CFAP20DC: variants seen among roughly 807,000 people sequenced by gnomAD.
CFAP20DC encodes the protein CFAP20 domain containing, also known as protein CFAP20DC.
In CFAP20DC, 84 loss-of-function variants were observed where a neutral mutation model predicts 101.7. That is an observed-to-expected ratio of 0.83 (90% CI 0.69 to 0.99). CFAP20DC has a LOEUF of 0.99. Ranked by LOEUF, CFAP20DC falls within the 50% of genes least tolerant of loss-of-function variation. The pLI, the probability that CFAP20DC is intolerant of heterozygous loss-of-function variation, is 0.00. For synonymous variants in CFAP20DC, 359 were observed against 351.2 expected, an observed-to-expected ratio of 1.02 and a Z score of -0.25; for missense variants, 1,007 against 970.3, an observed-to-expected ratio of 1.04 and a Z score of -0.50.
chr3:59,006,633 T>A lies in CFAP20DC; in HGVS notation c.278+32924A>T, dbSNP rs2093439878. On this transcript the variant is annotated intron_variant, in intron 4 of 16. Coordinates refer to ENST00000482387, the MANE Select transcript of CFAP20DC (RefSeq NM_001394063.1). The surrounding 1 kb of genome is among the most constrained non-coding windows in gnomAD (Gnocchi z 4.3). ...GAATGAAATATAAAAGTAGAAGCAG[T>A]GGCAGGAAGAGCCTCGTAGGCAGTC... 6.6e-6 allele frequency among the ~76,000 whole-genome samples: 1 copy of A among 152,120 alleles called. No individual in the cohort carries two copies. Among genetic ancestry groups the A allele is most frequent in the Non-Finnish European group, 1.5e-5 (1 of 68,020 alleles).
chr3:58,731,971 G>A (rs542998725), intron 3 of CFAP20DC, among the ~76,000 whole-genome samples: 8 of 152,298 alleles, frequency 5.3e-5, no homozygotes, highest in Non-Finnish European at 1.2e-4. Context: ...GAGCCTGTTT[G>A]TGCCTCAGTT....
chr3:58,821,250 C>G (rs993037987), intron 14 of CFAP20DC, among the ~76,000 whole-genome samples: 20 of 152,192 alleles, frequency 1.3e-4, no homozygotes, highest in African/African-American at 4.6e-4. Flanking sequence ...ACTTCATGTA[C>G]AAAACAACAA....
intron 6 of CFAP20DC, among the ~76,000 whole-genome samples, chr3:58,911,728 A>G (rs764139134): frequency 2.0e-5 from 3 of 152,146 alleles, no homozygotes; most frequent in Non-Finnish European, 4.4e-5. Flanking sequence ...TCCCTGTCAT[A>G]TCTATTTCCT....
chr3:58,773,218 T>G (rs1231459131), intron 15 of CFAP20DC, among the ~76,000 whole-genome samples: 6 of 151,834 alleles, frequency 4.0e-5, no homozygotes, highest in African/African-American at 4.8e-5. Context: ...CATACTAACT[T>G]GCATGGTCTA....
chr3:58,955,415 G>A (rs2090539272), intron 4 of CFAP20DC, among the ~76,000 whole-genome samples: 3 of 152,186 alleles, frequency 2.0e-5, no homozygotes, highest in African/African-American at 7.2e-5. Flanking sequence ...TAGAGGAACA[G>A]CCAGCAATTG....
intron 4 of CFAP20DC, among the ~76,000 whole-genome samples, chr3:59,035,691 G>C (rs1322003354): frequency 6.6e-6 from 1 of 152,160 alleles, no homozygotes; most frequent in East Asian, 1.9e-4. Context: ...TCCTGAAATT[G>C]AGGCAGTAAT....
rs771858333 is a variant in CFAP20DC, at chr3:58,724,496, GCTC to G, written c.198-6871_198-6869del. ...CACTGGAATGTGGACAGACGTGTGG[GCTC>G]CTATTTAAGCCCGCTCCCACTAGCT... On this transcript the variant is annotated intron_variant, in intron 3 of 3. Transcript: ENST00000486145. This position sits in a 1 kb window ranked among gnomAD's most constrained non-coding sequence, Gnocchi z 5.6. Among the ~76,000 whole-genome samples, 4 of 152,070 alleles carry G rather than the reference GCTC, an allele frequency of 2.6e-5. No homozygotes were observed. Among genetic ancestry groups the G allele is most frequent in the Non-Finnish European group, 2.9e-5 (2 of 68,014 alleles).
chr3:59,049,138 C>T (rs1700110216), intron 1 of CFAP20DC, among the ~76,000 whole-genome samples: 1 of 152,206 alleles, frequency 6.6e-6, no homozygotes, highest in South Asian at 2.1e-4. Flanking sequence ...ACTCCCAGTT[C>T]TGTAAAAATA....
chr3:58,856,580 A>T (rs1237388254), intron 12 of CFAP20DC, among the ~76,000 whole-genome samples: 1 of 151,982 alleles, frequency 6.6e-6, no homozygotes, highest in African/African-American at 2.4e-5. Context: ...TGGTTGAAGA[A>T]CTCTGCCTTC....
chr3:58,969,474 C>A (rs904070738), intron 4 of CFAP20DC, among the ~76,000 whole-genome samples: 2 of 152,126 alleles, frequency 1.3e-5, no homozygotes, highest in Non-Finnish European at 2.9e-5. Context: ...CGTAGGTGAG[C>A]TCCAAGAGGA....
intron 14 of CFAP20DC, among the ~76,000 whole-genome samples, chr3:58,825,443 T>C (rs2107976072): frequency 6.6e-6 from 1 of 152,254 alleles, no homozygotes; most frequent in Non-Finnish European, 1.5e-5. Context: ...GAGCTGGAAT[T>C]TGAGCCCAGG....
At chr3:58,907,307 A>T (rs2083700916) in intron 6 of CFAP20DC, among the ~76,000 whole-genome samples, 1 of 152,146 alleles carries the variant, frequency 6.6e-6, no homozygotes, top group Non-Finnish European at 1.5e-5. Flanking sequence ...GGCTCTCTCA[A>T]GTAAGGGGCA....
At chr3:58,896,227 G>A (rs2082659716) in intron 6 of CFAP20DC, among the ~76,000 whole-genome samples, 2 of 152,120 alleles carry the variant, frequency 1.3e-5, no homozygotes, top group African/African-American at 4.8e-5. Flanking sequence ...ATTTTGTGGG[G>A]TCAGTGGTTA....
Position 58,861,305 on chromosome 3 carries a change from A to G in CFAP20DC, c.1593+2253T>C. The G allele has an allele frequency of 1.4e-6, 1 of 709,420 alleles. No homozygotes were observed. The highest frequency in any genetic ancestry group is 1.7e-6 in the Non-Finnish European group (1 of 578,410). 43.9% of individuals were successfully genotyped at this position (709,420 alleles called of 1,614,324 possible). A position where few individuals can be genotyped will look rare whatever the true frequency, so the allele number is the denominator to read the frequency against. ...TATAATTGTTATTCACTTGTCCACC[A>G]TTATTTACAACTTGACATTATGTTT... On this transcript the variant is annotated intron_variant, in intron 12 of 16. Transcript: ENST00000482387. The surrounding 1 kb of genome is among the most constrained non-coding windows in gnomAD (Gnocchi z 4.0).
intron 14 of CFAP20DC, among the ~76,000 whole-genome samples, chr3:58,817,570 C>A (rs1277000281): frequency 7.0e-6 from 1 of 141,948 alleles, no homozygotes; most frequent in South Asian, 2.5e-4. Flanking sequence ...TGAAATGAAG[C>A]GAGAAGGGAA....
At chr3:58,845,951 CA>C (rs1352993282) in intron 13 of CFAP20DC, among the ~76,000 whole-genome samples, 1 of 150,808 alleles carries the variant, frequency 6.6e-6, no homozygotes, top group African/African-American at 2.4e-5. Context: ...AAGCCTTTGA[CA>C]AAATTCAACA....
At chr3:59,000,201 T>G (rs1418938884) in intron 4 of CFAP20DC, among the ~76,000 whole-genome samples, 1 of 152,252 alleles carries the variant, frequency 6.6e-6, no homozygotes, top group Non-Finnish European at 1.5e-5. Context: ...CTCATTGCAA[T>G]GCTTCATTCC....
intron 4 of CFAP20DC, among the ~76,000 whole-genome samples, chr3:58,947,620 G>T (rs909660614): frequency 6.6e-6 from 1 of 152,108 alleles, no homozygotes; most frequent in Non-Finnish European, 1.5e-5. Flanking sequence ...TACTGAGTAA[G>T]GTCTCCAATT....
In CFAP20DC at chr3:58,992,550, C is replaced by T. The variant is rs1197822224; in HGVS notation, c.278+47007G>A. 6.1e-6 allele frequency: 6 copies of T among 984,390 alleles called. No individual in the cohort carries two copies. In the East Asian group the frequency reaches 6.8e-4, roughly 112 times the overall value. 61.0% of individuals were successfully genotyped at this position (984,390 alleles called of 1,614,324 possible). A position where few individuals can be genotyped will look rare whatever the true frequency, so the allele number is the denominator to read the frequency against. Reference sequence around the variant, plus strand: ...TTGAGAAGTCCTAGTCTACACTAATCTCATTTGAATTGTCAGAAGATCTTC... The same window carrying T: ...TTGAGAAGTCCTAGTCTACACTAATTTCATTTGAATTGTCAGAAGATCTTC... On this transcript the variant is annotated intron_variant, in intron 4 of 16. Transcript: ENST00000482387.
Sources: gnomAD v4.1 joint callset for allele counts (sites outside exome capture counted in the v4.1 genomes callset) on GRCh38, gnomAD v4.1.1 for gene constraint, Gnocchi (gnomAD v3.1) non-coding constraint, MANE v1.5 for transcripts, NCBI Gene and HGNC (gene_info 2026-07-23, HGNC 2026-07-21) for gene names.